UBR3: variants seen among roughly 807,000 people sequenced by gnomAD.
UBR3 encodes E3 ubiquitin-protein ligase UBR3.
Under a neutral mutation model 243.2 loss-of-function variants are expected in UBR3, and 85 were observed. The ratio of observed to expected loss-of-function variants is 0.35; its 90% CI spans 0.29 to 0.42. The LOEUF (loss-of-function observed/expected upper bound fraction) is 0.42, where lower values mean the gene tolerates loss of function less well. Among genes scored for constraint, UBR3 ranks in the 10% least tolerant of loss-of-function variants. UBR3 has a pLI of 1.00. For missense variants in UBR3, 1,686 were observed against 2,300.8 expected (o/e 0.73, Z 5.47); for synonymous variants, 748 against 799.8 (o/e 0.94, Z 1.09).
At chr2:169,939,650 A>C (rs911298002) in intron 19 of UBR3, among the ~76,000 whole-genome samples, 1 of 149,760 alleles carries the variant, frequency 6.7e-6, no homozygotes, top group Non-Finnish European at 1.5e-5. Context: ...TGTAGCCTTT[A>C]ACTCCTGGGC....
chr2:169,845,871 A>C (rs2082462867), intron 1 of UBR3, among the ~76,000 whole-genome samples: 1 of 152,194 alleles, frequency 6.6e-6, no homozygotes, highest in African/African-American at 2.4e-5. Flanking sequence ...GGTGTGAGCT[A>C]CGGTGCCCAG....
At chr2:170,041,606 T>A (rs936368097) in intron 32 of UBR3, among the ~76,000 whole-genome samples, 1 of 152,222 alleles carries the variant, frequency 6.6e-6, no homozygotes, top group African/African-American at 2.4e-5. Flanking sequence ...CCTTGGTCTT[T>A]GTAGCTTTCA....
At chr2:170,066,795 C>T (rs2091578216) in intron 35 of UBR3, among the ~76,000 whole-genome samples, 1 of 151,818 alleles carries the variant, frequency 6.6e-6, no homozygotes, top group African/African-American at 2.4e-5. Context: ...GAAACCCTGC[C>T]TCTACTAAAA....
At chr2:170,057,592 T>A (rs1335276949) in intron 33 of UBR3, among the ~76,000 whole-genome samples, 1 of 152,200 alleles carries the variant, frequency 6.6e-6, no homozygotes, top group Non-Finnish European at 1.5e-5. Flanking sequence ...TTAAGAAATT[T>A]GCTGATAAAA....
intron 1 of UBR3, among the ~76,000 whole-genome samples, chr2:169,834,771 T>G (rs972975628): frequency 6.6e-6 from 1 of 152,200 alleles, no homozygotes; most frequent in Non-Finnish European, 1.5e-5. Context: ...CAAATGTCCA[T>G]CAGCAGATGA....
chr2:169,893,046 A>G (rs1339680215), intron 6 of UBR3, among the ~76,000 whole-genome samples: 2 of 152,244 alleles, frequency 1.3e-5, no homozygotes, highest in Non-Finnish European at 2.9e-5. Flanking sequence ...GTCAAGATTT[A>G]AAGATAGTCA....
At chr2:169,936,131 C>A (rs1164593876) in intron 19 of UBR3, among the ~76,000 whole-genome samples, 1 of 152,108 alleles carries the variant, frequency 6.6e-6, no homozygotes, top group Non-Finnish European at 1.5e-5. Flanking sequence ...ATGATCTCGG[C>A]TCACCGCAAC....
chr2:169,845,068 G>C (rs2082422238), intron 1 of UBR3, among the ~76,000 whole-genome samples: 1 of 152,046 alleles, frequency 6.6e-6, no homozygotes, highest in South Asian at 2.1e-4. Flanking sequence ...TTTTTATGCA[G>C]TTCAAAATAT....
intron 19 of UBR3, among the ~76,000 whole-genome samples, chr2:169,934,039 C>CT (rs1273369249): frequency 6.6e-6 from 1 of 152,122 alleles, no homozygotes; most frequent in Non-Finnish European, 1.5e-5. Flanking sequence ...AATGTACTTG[C>CT]TTGTAGTCTT....
At position 169,933,023 on chromosome 2, in the gene UBR3, T is replaced by C. The variant is rs2086195795; in HGVS notation, c.2663+15T>C. 1.3e-6 allele frequency: 2 copies of C among 1,492,254 alleles called. No individual in the cohort carries two copies. Among genetic ancestry groups the C allele is most frequent in the Admixed American group, 2.6e-5 (1 of 38,432 alleles). The allele number at this position is 1,492,254 out of a possible 1,614,324, so 92.4% of individuals were successfully genotyped here. ...TATACTGCATTGTAAGTCCATCAAA[T>C]TGATTAGCATCATAACAGTATTTTA... is the stretch of plus-strand genomic sequence containing the variant. On this transcript the variant is annotated intron_variant, in intron 19 of 38. Coordinates refer to ENST00000272793, the MANE Select transcript of UBR3 (RefSeq NM_172070.4).
At chr2:169,899,689 G>T (rs4668179) in intron 8 of UBR3, among the ~76,000 whole-genome samples, 1 of 151,924 alleles carries the variant, frequency 6.6e-6, no homozygotes, top group African/African-American at 2.4e-5. Flanking sequence ...TGTGATGTCC[G>T]CCTCCCTGTG....
Position 170,069,213 on chromosome 2 carries a change from A to C in UBR3, c.5020-4215A>C, listed in dbSNP as rs144077703. Among the ~76,000 whole-genome samples, 13 of 152,284 alleles carry C rather than the reference A, an allele frequency of 8.5e-5. No individual in the cohort carries two copies. The East Asian group carries it at 2.5e-3, about 29-fold the overall frequency. On this transcript the variant is annotated intron_variant, in intron 35 of 38. Coordinates refer to ENST00000272793, the MANE Select transcript of UBR3 (RefSeq NM_172070.4). ...TGTCTCCCATGAACATAGAAGCAAA[A>C]GCCTTCACAAAATATTAGCAATAGA...
intron 27 of UBR3, among the ~76,000 whole-genome samples, chr2:170,002,141 T>C (rs1269314663): frequency 1.3e-5 from 2 of 152,128 alleles, no homozygotes; most frequent in Admixed American, 1.3e-4. Flanking sequence ...TTGAATTTTT[T>C]CCTAGTGTAT....
intron 25 of UBR3, among the ~76,000 whole-genome samples, chr2:169,987,415 A>C (rs1288769625): frequency 1.3e-5 from 2 of 150,972 alleles, no homozygotes; most frequent in African/African-American, 2.4e-5. Flanking sequence ...AAAACAAAAA[A>C]AAAACAAAAA....
chr2:169,962,247 A>AT (rs1212064319), intron 24 of UBR3, among the ~76,000 whole-genome samples: 170 of 149,706 alleles, frequency 1.1e-3, no homozygotes, highest in African/African-American at 3.7e-3. Flanking sequence ...TTTCTTAAAA[A>AT]TTTTTTTTTT....
At chr2:169,968,478 T>C (rs1463320788) in intron 24 of UBR3, among the ~76,000 whole-genome samples, 1 of 152,208 alleles carries the variant, frequency 6.6e-6, no homozygotes, top group African/African-American at 2.4e-5. Context: ...CTTGTTTCAC[T>C]TAACATAATG....
chr2:169,838,260 T>C (rs754398171), intron 1 of UBR3, among the ~76,000 whole-genome samples: 5 of 152,238 alleles, frequency 3.3e-5, no homozygotes, highest in Non-Finnish European at 7.3e-5. Flanking sequence ...TGGAATACTT[T>C]ATGGCAGAAT....
At chr2:169,919,253 A>G (rs2085592974) in intron 11 of UBR3, among the ~76,000 whole-genome samples, 1 of 152,208 alleles carries the variant, frequency 6.6e-6, no homozygotes, top group Admixed American at 6.5e-5. Context: ...GAGTCATTAA[A>G]AGATTGTGAG....
In UBR3 at chr2:169,983,252, C is replaced by CTTTTTTTTTTTT. The variant is rs72194627; in HGVS notation, c.3635-3382_3635-3371dup. 2.8e-4 allele frequency among the ~76,000 whole-genome samples: 20 copies of CTTTTTTTTTTTT among 71,986 alleles called. 1 individual carries two copies. Among genetic ancestry groups the CTTTTTTTTTTTT allele is most frequent in the African/African-American group, 8.9e-4 (15 of 16,904 alleles). 47.2% of individuals were successfully genotyped at this position (71,986 alleles called of 152,430 possible). A position where few individuals can be genotyped will look rare whatever the true frequency, so the allele number is the denominator to read the frequency against. ...TGTTGTTTTTGCCACATTCTCTCTC[C>CTTTTTTTTTTTT]TTTTTTTTTTTTTTTTTTTTTTGAG... is the stretch of plus-strand genomic sequence containing the variant. On this transcript the variant is annotated intron_variant, in intron 24 of 38. Transcript: ENST00000272793.
Sources: gnomAD v4.1 joint callset for allele counts (sites outside exome capture counted in the v4.1 genomes callset) on GRCh38, gnomAD v4.1.1 for gene constraint, MANE v1.5 for transcripts, NCBI Gene and HGNC (gene_info 2026-07-23, HGNC 2026-07-21) for gene names.